The following RNF4 variants were observed in gnomAD, a reference collection of about 807,000 sequenced individuals.
RNF4 encodes E3 ubiquitin-protein ligase RNF4.
RNF4 carries 7 observed loss-of-function variants against 24.3 expected under a neutral mutation model. The ratio of observed to expected loss-of-function variants is 0.29; its 90% CI spans 0.16 to 0.54. RNF4 has a LOEUF of 0.54. Among genes scored for constraint, RNF4 ranks in the 20% least tolerant of loss-of-function variants. RNF4 has a pLI of 0.95. For synonymous variants in RNF4, 83 were observed against 84.3 expected (o/e 0.98, Z 0.09); for missense variants, 209 against 248.5 (o/e 0.84, Z 1.07).
intron 2 of RNF4, among the ~76,000 whole-genome samples, chr4:2,493,743 T>TAAA (rs34740719): frequency 3.7e-3 from 324 of 87,968 alleles, no homozygotes; most frequent in Middle Eastern, 6.9e-3. Context: ...GACTCCGTCT[T>TAAA]AAAAAAAAAA....
intron 3 of RNF4, among the ~76,000 whole-genome samples, chr4:2,500,156 CAAAA>C (rs5855735): frequency 6.5e-5 from 5 of 77,204 alleles, no homozygotes; most frequent in African/African-American, 9.4e-5. Context: ...GACTCTGTCT[CAAAA>C]AAAAAAAAAA....
intron 4 of RNF4, among the ~76,000 whole-genome samples, chr4:2,501,595 G>A (rs1735913584): frequency 1.3e-5 from 2 of 152,222 alleles, no homozygotes; most frequent in African/African-American, 2.4e-5. Context: ...TGGGAATCTG[G>A]TCAGCATCTT....
At chr4:2,487,525 A>G (rs998757323) in intron 1 of RNF4, among the ~76,000 whole-genome samples, 5 of 152,194 alleles carry the variant, frequency 3.3e-5, no homozygotes, top group African/African-American at 1.2e-4. Flanking sequence ...ATCTCAAGTG[A>G]TCTGCCTGCC....
At chr4:2,469,996 C>T (rs1033867925) in intron 1 of RNF4, 1 of 152,268 alleles carries the variant, frequency 6.6e-6, no homozygotes, top group Non-Finnish European at 1.5e-5. Flanking sequence ...CGCCTTTGAT[C>T]CATCGAGGGA....
intron 2 of RNF4, among the ~76,000 whole-genome samples, chr4:2,495,561 CAG>C (rs1163318433): frequency 6.8e-6 from 1 of 148,100 alleles, no homozygotes; most frequent in Non-Finnish European, 1.5e-5. Flanking sequence ...GATAGCAGGA[CAG>C]GGCACAGGGA....
Position 2,473,822 on chromosome 4 carries a change from G to T in RNF4, c.-158+4564G>T, listed in dbSNP as rs139192214. On this transcript the variant is annotated intron_variant, in intron 1 of 7. Coordinates refer to ENST00000314289, the MANE Select transcript of RNF4 (RefSeq NM_002938.5). ...CGAGACTCTGTCTAGAAAAAAAAAAGTAGAGCCTGAAGGCTGGGCCTGATG... is the reference window on the plus strand; with the variant it reads ...CGAGACTCTGTCTAGAAAAAAAAAATTAGAGCCTGAAGGCTGGGCCTGATG... Among the ~76,000 whole-genome samples, 732 of 151,752 alleles carry T rather than the reference G, an allele frequency of 4.8e-3. 4 individuals are homozygous for T. The highest frequency in any genetic ancestry group is 0.017 in the African/African-American group (686 of 41,378).
intron 3 of RNF4, among the ~76,000 whole-genome samples, chr4:2,500,112 G>A (rs765536902): frequency 1.7e-4 from 24 of 141,344 alleles, no homozygotes; most frequent in Admixed American, 9.1e-4. Flanking sequence ...AGCCAAGATC[G>A]CACCACTGCA....
At chr4:2,482,173 C>A (rs148442319) in intron 1 of RNF4, among the ~76,000 whole-genome samples, 1,562 of 152,322 alleles carry the variant, frequency 0.01, 14 homozygotes, top group Middle Eastern at 0.027. Flanking sequence ...GATTAGGCCC[C>A]CTCTGGTGTG....
rs189323296 is a variant in RNF4 at position 2,476,754 on chromosome 4, G to A, written c.-158+7496G>A. Among the ~76,000 whole-genome samples, 226 of 149,392 alleles carry A rather than the reference G, an allele frequency of 1.5e-3. 1 individual carries two copies. The highest frequency in any genetic ancestry group is 5.6e-3 in the Admixed American group (84 of 14,972). The stretch of plus-strand genomic sequence containing the variant: ...AGAAGGTTGTCTTCCTATGTTTCCC[G>A]GGCAGGAGTGCAGTGGCTATTTGCA... On this transcript the variant is annotated intron_variant, in intron 1 of 7. Transcript: ENST00000314289.
chr4:2,497,285 C>A, intron 3 of RNF4, 164 bp downstream of exon 3: 1 of 542,260 alleles, frequency 1.8e-6, no homozygotes, highest in Non-Finnish European at 3.3e-6. Flanking sequence ...AATAGCTTCT[C>A]AACTGGGCTA....
At chr4:2,494,317 TG>T (rs1381219077) in intron 2 of RNF4, among the ~76,000 whole-genome samples, 1 of 151,826 alleles carries the variant, frequency 6.6e-6, no homozygotes, top group Non-Finnish European at 1.5e-5. Flanking sequence ...CAGTTTTTAT[TG>T]GCTGGAACAG....
chr4:2,497,483 A>T (rs1414944155), intron 3 of RNF4, among the ~76,000 whole-genome samples: 1 of 152,188 alleles, frequency 6.6e-6, no homozygotes, highest in Non-Finnish European at 1.5e-5. Flanking sequence ...AAACTTGTCC[A>T]CAGAGCTCCC....
rs1219424866 is a variant in RNF4 at position 2,469,126 on chromosome 4, G to A, written c.-290G>A. 6.6e-6 allele frequency: 1 copy of A among 152,264 alleles called. No individual in the cohort carries two copies. Among genetic ancestry groups the A allele is most frequent in the Non-Finnish European group, 1.5e-5 (1 of 68,066 alleles). The allele number at this position is 152,264 out of a possible 1,614,324, so 9.4% of individuals were successfully genotyped here. On this transcript the variant is annotated 5_prime_UTR_variant, in exon 1 of 8. Transcript: ENST00000314289. ...TCCGAAGCGGAAGTGGGTTGCTGTT[G>A]AGGCGGCGGCATCTTTCTCGAGGAG...
At chr4:2,505,616 C>G (rs545196621) in intron 4 of RNF4, 74 of 150,992 alleles carry the variant, frequency 4.9e-4, no homozygotes, top group African/African-American at 1.6e-3. Flanking sequence ...TGAGCCACCG[C>G]GCCCGGCCTT....
intron 2 of RNF4, among the ~76,000 whole-genome samples, chr4:2,491,756 CAG>C (rs1233614998): frequency 3.3e-5 from 5 of 151,430 alleles, no homozygotes; most frequent in African/African-American, 1.2e-4. Flanking sequence ...TTTTAAGAGA[CAG>C]GGTCTCACTC....
At chr4:2,499,331 G>C in intron 3 of RNF4, 1 of 448,874 alleles carries the variant, frequency 2.2e-6, no homozygotes. Flanking sequence ...TGCTCTTGTT[G>C]CCCAGGCTGG....
At chr4:2,487,350 A>T (rs1397630648) in intron 1 of RNF4, among the ~76,000 whole-genome samples, 1 of 152,114 alleles carries the variant, frequency 6.6e-6, no homozygotes, top group Non-Finnish European at 1.5e-5. Flanking sequence ...CAGTGGTGCC[A>T]TCTTGGCTCA....
chr4:2,488,400 T>A (rs1049063523), intron 1 of RNF4, among the ~76,000 whole-genome samples: 14 of 151,864 alleles, frequency 9.2e-5, no homozygotes, highest in Non-Finnish European at 1.3e-4. Context: ...GAGGTGGAGG[T>A]TGCAGTGAGC....
intron 7 of RNF4, 79 bp downstream of exon 7, chr4:2,513,210 C>CA: frequency 7.2e-7 from 1 of 1,384,442 alleles, no homozygotes; most frequent in Non-Finnish European, 1.0e-6. Context: ...AGGATCTTCC[C>CA]CCTCGGTGGG....
Sources: gnomAD v4.1 joint callset for allele counts (sites outside exome capture counted in the v4.1 genomes callset) on GRCh38, gnomAD v4.1.1 for gene constraint, MANE v1.5 for transcripts, NCBI Gene and HGNC (gene_info 2026-07-23, HGNC 2026-07-21) for gene names.